SPDEF: variants seen among roughly 807,000 people sequenced by gnomAD.
The protein encoded by SPDEF is SAM pointed domain containing ETS transcription factor.
SPDEF carries 12 observed loss-of-function variants against 36.0 expected under a neutral mutation model. The observed-to-expected ratio is 0.33, with a 90% CI of 0.21 to 0.54. SPDEF has a LOEUF of 0.54. Among genes scored for constraint, SPDEF ranks in the 20% least tolerant of loss-of-function variants. The probability of loss-of-function intolerance (pLI) is 0.93; values close to 1 mark genes in which losing one functional copy is unlikely to be tolerated. For synonymous variants in SPDEF, 205 were observed against 193.0 expected (o/e 1.06, Z -0.51); for missense variants, 388 against 456.9 (o/e 0.85, Z 1.37).
intron 1 of SPDEF, among the ~76,000 whole-genome samples, chr6:34,554,565 A>T (rs1582009000): frequency 6.6e-6 from 1 of 151,964 alleles, no homozygotes; most frequent in South Asian, 2.1e-4. Flanking sequence ...TGGGTCCCCT[A>T]CGCAGTGAGA....
In SPDEF at chr6:34,538,275, C is replaced by G. The variant is rs762022604; in HGVS notation, c.1007G>C (p.Ter336SerextTer91). Reference protein sequence around the residue: ...RLVYQFVHPI* With the variant: ...RLVYQFVHPIS ...GGTTTCAGGCCCTGGGCCAGGCACTCAGATGGGGTGCACGAACTGGTAGAC... is the reference window on the plus strand; with the variant it reads ...GGTTTCAGGCCCTGGGCCAGGCACTGAGATGGGGTGCACGAACTGGTAGAC... The change falls in exon 6 of 6, where the codon TGA (stop) becomes TCA (serine). Residue 336 changes from the stop codon to serine, a stop_lost. Coordinates refer to ENST00000374037, the MANE Select transcript of SPDEF (RefSeq NM_012391.3). The surrounding 1 kb of genome is among the most constrained non-coding windows in gnomAD (Gnocchi z 5.9). 4 of 1,613,054 alleles carry G rather than the reference C, an allele frequency of 2.5e-6. No homozygotes were observed. The highest frequency in any genetic ancestry group is 3.4e-6 in the Non-Finnish European group (4 of 1,179,264).
chr6:34,544,444 G>C lies in SPDEF; in HGVS notation c.12C>G (p.Ala4=). 6.4e-7 allele frequency: 1 copy of C among 1,552,318 alleles called. No homozygotes were observed. The highest frequency in any genetic ancestry group is 8.7e-7 in the Non-Finnish European group (1 of 1,148,304). The change falls in exon 2 of 6, where the codon GCC becomes GCG. Residue 4 remains alanine, a synonymous_variant. Coordinates refer to ENST00000374037, the MANE Select transcript of SPDEF (RefSeq NM_012391.3). The surrounding 1 kb of genome is among the most constrained non-coding windows in gnomAD (Gnocchi z 4.4). MGS[A]SPGLSSVSPS... Reference sequence around the variant, plus strand: ...GGGATACGCTGCTCAGACCCGGGCTGGCGCTGCCCATGCCGCTGCTGTTTG... The same window carrying C: ...GGGATACGCTGCTCAGACCCGGGCTCGCGCTGCCCATGCCGCTGCTGTTTG...
chr6:34,548,014 T>A (rs1372532618), intron 1 of SPDEF, among the ~76,000 whole-genome samples: 2 of 152,164 alleles, frequency 1.3e-5, no homozygotes, highest in Non-Finnish European at 2.9e-5. Flanking sequence ...CCAGGGCTGG[T>A]GTGCCCAACC....
rs1383747524 is a variant in SPDEF at position 34,544,487 on chromosome 6, A to G, written c.-29-3T>C. On this transcript the variant is annotated splice_region_variant and splice_polypyrimidine_tract_variant and intron_variant, in intron 1 of 5. Transcript: ENST00000374037. The surrounding 1 kb of genome is among the most constrained non-coding windows in gnomAD (Gnocchi z 4.4). ...GCTGTTTGGGCTGGCGGCTGTGTCTACGGAAATGAAAGAGGACTCAGGTTT... is the reference window on the plus strand; with the variant it reads ...GCTGTTTGGGCTGGCGGCTGTGTCTGCGGAAATGAAAGAGGACTCAGGTTT... 1.3e-6 allele frequency: 2 copies of G among 1,502,826 alleles called. No individual in the cohort carries two copies. The highest frequency in any genetic ancestry group is 2.6e-5 in the South Asian group (2 of 76,296). The allele number at this position is 1,502,826 out of a possible 1,614,324, so 93.1% of individuals were successfully genotyped here.
chr6:34,547,476 C>T (rs1327998496), intron 1 of SPDEF, among the ~76,000 whole-genome samples: 2 of 152,156 alleles, frequency 1.3e-5, no homozygotes, highest in South Asian at 2.1e-4. Flanking sequence ...AGTGATCCTC[C>T]TGTTTCAACC....
rs1383712739 is a variant in SPDEF at position 34,538,119 on chromosome 6, C to T, written c.*155G>A. On this transcript the variant is annotated 3_prime_UTR_variant, in exon 6 of 6. Transcript: ENST00000374037. The surrounding 1 kb of genome is among the most constrained non-coding windows in gnomAD (Gnocchi z 5.9). ...GAAGGCCCCAGAGGACCCATATCCC[C>T]CTGGGGCAGTTGGTTGCCCCTCCCT... is the stretch of plus-strand genomic sequence containing the variant. 3.9e-6 allele frequency: 3 copies of T among 764,880 alleles called. No individual in the cohort carries two copies. The highest frequency in any genetic ancestry group is 2.7e-5 in the East Asian group (1 of 37,064). The allele number at this position is 764,880 out of a possible 1,614,324, so 47.4% of individuals were successfully genotyped here.
Position 34,544,185 on chromosome 6 carries a change from C to T in SPDEF, c.271G>A (p.Glu91Lys), listed in dbSNP as rs1358922575. 3.1e-6 allele frequency: 5 copies of T among 1,613,762 alleles called. No homozygotes were observed. The highest frequency in any genetic ancestry group is 1.3e-5 in the African/African-American group (1 of 74,938). Residue 91 changes from glutamate (E) to lysine (K), a missense_variant, in exon 2 of 6, where the codon GAG (glutamate) becomes AAG (lysine). Physicochemically the swap from Glu to Lys is moderately conservative, Grantham distance 56. Coordinates refer to ENST00000374037, the MANE Select transcript of SPDEF (RefSeq NM_012391.3). The surrounding 1 kb of genome is among the most constrained non-coding windows in gnomAD (Gnocchi z 4.4). Reference protein sequence around the residue: ...SSREEPPEEPEQCPVIDSQAP... With the variant: ...SSREEPPEEPKQCPVIDSQAP... Reference sequence around the variant, plus strand: ...TGGCTGTCAATGACCGGGCACTGCTCAGGCTCCTCAGGTGGCTCCTCCCGA... The same window carrying T: ...TGGCTGTCAATGACCGGGCACTGCTTAGGCTCCTCAGGTGGCTCCTCCCGA...
In SPDEF at chr6:34,538,335, C is replaced by T; in HGVS notation, c.947G>A (p.Gly316Asp). Residue 316 changes from glycine (G) to aspartate (D), a missense_variant, in exon 6 of 6, where the codon GGC (glycine) becomes GAC (aspartate). By Grantham distance (94) the Gly-to-Asp change is moderately conservative (BLOSUM62 -1). This residue lies in a region of SPDEF where 80 missense variants were observed against 130.8 expected (regional missense o/e 0.61). Transcript: ENST00000374037. The surrounding 1 kb of genome is among the most constrained non-coding windows in gnomAD (Gnocchi z 5.9). ...SRSIRQYYKK[G>D]IIRKPDISQR... ...GGAGATGTCTGGCTTCCGGATGATG[C>T]CCTTCTTGTAATACTGGCGGATGGA... The T allele has an allele frequency of 6.2e-7, 1 of 1,614,156 alleles. No individual in the cohort carries two copies. Among genetic ancestry groups the T allele is most frequent in the Non-Finnish European group, 8.5e-7 (1 of 1,179,980 alleles).
chr6:34,545,656 TC>T (rs1767936357), intron 1 of SPDEF, among the ~76,000 whole-genome samples: 1 of 152,172 alleles, frequency 6.6e-6, no homozygotes, highest in Admixed American at 6.5e-5. Context: ...GTGACTGTAA[TC>T]CTAGCTCTTT....
At chr6:34,548,433 C>A (rs565652518) in intron 1 of SPDEF, among the ~76,000 whole-genome samples, 1 of 152,294 alleles carries the variant, frequency 6.6e-6, no homozygotes, top group South Asian at 2.1e-4. Context: ...TCATCAGACA[C>A]CCCTGTGCTC....
chr6:34,539,399 G>T lies in SPDEF; in HGVS notation c.683-3C>A, dbSNP rs576412889. 5 of 1,613,490 alleles carry T rather than the reference G, an allele frequency of 3.1e-6. No individual in the cohort carries two copies. The Admixed American group carries it at 5.0e-5, about 16-fold the overall frequency. ...CCAGCTCTCCTCACTGGTCGAGGCT[G>T]GGTGGCCAGGGAGGGTGGCGGTGAG... On this transcript the variant is annotated splice_region_variant and splice_polypyrimidine_tract_variant and intron_variant, in intron 4 of 5. Coordinates refer to ENST00000374037, the MANE Select transcript of SPDEF (RefSeq NM_012391.3). This position sits in a 1 kb window ranked among gnomAD's most constrained non-coding sequence, Gnocchi z 5.2.
At chr6:34,541,718 G>A (rs573247453) in intron 2 of SPDEF, among the ~76,000 whole-genome samples, 5 of 152,330 alleles carry the variant, frequency 3.3e-5, no homozygotes, top group South Asian at 2.1e-4. Flanking sequence ...AGGGCTAGAC[G>A]CACAGGAGCT....
intron 3 of SPDEF, among the ~76,000 whole-genome samples, chr6:34,540,028 T>G (rs1767784403): frequency 6.6e-6 from 1 of 152,046 alleles, no homozygotes; most frequent in African/African-American, 2.4e-5. Context: ...AGGCCGGGCG[T>G]GGAGGCTCAT....
At position 34,538,569 on chromosome 6, in the gene SPDEF, C is replaced by A; in HGVS notation, c.830-117G>T. 2.9e-6 allele frequency: 3 copies of A among 1,048,408 alleles called. No individual in the cohort carries two copies. Among genetic ancestry groups the A allele is most frequent in the Non-Finnish European group, 4.1e-6 (3 of 726,802 alleles). 64.9% of individuals were successfully genotyped at this position (1,048,408 alleles called of 1,614,324 possible). On this transcript the variant is annotated intron_variant, in intron 5 of 5. Transcript: ENST00000374037. The surrounding 1 kb of genome is among the most constrained non-coding windows in gnomAD (Gnocchi z 5.9). The stretch of plus-strand genomic sequence containing the variant: ...CCAAGGGACCCCGTGCAGAGGCCTC[C>A]CCCTGCTCGGGTGGGGCGGGGTGTG...
At chr6:34,550,117 C>T (rs1483780854) in intron 1 of SPDEF, among the ~76,000 whole-genome samples, 1 of 152,204 alleles carries the variant, frequency 6.6e-6, no homozygotes, top group African/African-American at 2.4e-5. Context: ...CAGGCCCAGC[C>T]GCAGTAGCAT....
At position 34,544,439 on chromosome 6, in the gene SPDEF, G is replaced by A. The variant is rs754463563; in HGVS notation, c.17C>T (p.Pro6Leu). 2.2e-5 allele frequency: 35 copies of A among 1,557,372 alleles called. No individual in the cohort carries two copies. Among genetic ancestry groups the A allele is most frequent in the African/African-American group, 8.2e-5 (6 of 73,592 alleles). Reference sequence around the variant, plus strand: ...GCTGGGGGATACGCTGCTCAGACCCGGGCTGGCGCTGCCCATGCCGCTGCT... The same window carrying A: ...GCTGGGGGATACGCTGCTCAGACCCAGGCTGGCGCTGCCCATGCCGCTGCT... MGSASPGLSSVSPSHL... is the reference protein window; with the variant it reads MGSASLGLSSVSPSHL... Residue 6 changes from proline to leucine, a missense_variant, in exon 2 of 6, where the codon CCG becomes CTG. By Grantham distance (98) the Pro-to-Leu change is moderately conservative (BLOSUM62 -3). This residue lies in a region of SPDEF where 308 missense variants were observed against 326.1 expected (regional missense o/e 0.94). Transcript: ENST00000374037. This position sits in a 1 kb window ranked among gnomAD's most constrained non-coding sequence, Gnocchi z 4.4.
rs373970589 is a variant in SPDEF, at chr6:34,541,236, G to C, written c.437-55C>G. 20 of 1,497,912 alleles carry C rather than the reference G, an allele frequency of 1.3e-5. No homozygotes were observed. In the African/African-American group the frequency reaches 1.7e-4, roughly 12 times the overall value. The allele number at this position is 1,497,912 out of a possible 1,614,324, so 92.8% of individuals were successfully genotyped here. On this transcript the variant is annotated intron_variant, in intron 2 of 5. Coordinates refer to ENST00000374037, the MANE Select transcript of SPDEF (RefSeq NM_012391.3). ...GGTGGCCTGAGAGCACCACCCTGCT[G>C]TGATGGGGCACCCATGGGAACCTGT... is the stretch of plus-strand genomic sequence containing the variant.
rs1339982489 is a variant in SPDEF at position 34,539,178 on chromosome 6, C to T, written c.829+72G>A. The stretch of plus-strand genomic sequence containing the variant: ...CTCTGCCCGCCCCTGCCCCCATGCA[C>T]CGTGCCTGGCAGAAGCCCCCACAAC... On this transcript the variant is annotated intron_variant, in intron 5 of 5. Coordinates refer to ENST00000374037, the MANE Select transcript of SPDEF (RefSeq NM_012391.3). This position sits in a 1 kb window ranked among gnomAD's most constrained non-coding sequence, Gnocchi z 5.2. The T allele has an allele frequency of 1.7e-5, 27 of 1,568,246 alleles. No individual in the cohort carries two copies. The highest frequency in any genetic ancestry group is 2.3e-5 in the Non-Finnish European group (26 of 1,151,186).
intron 2 of SPDEF, among the ~76,000 whole-genome samples, chr6:34,542,597 A>G (rs1282150272): frequency 1.3e-5 from 2 of 152,242 alleles, no homozygotes; most frequent in African/African-American, 4.8e-5. Flanking sequence ...CATATTAGGA[A>G]CTGCTTTTCG....
Sources: allele counts gnomAD v4.1 joint callset (sites outside exome capture counted in the v4.1 genomes callset), GRCh38; gene constraint gnomAD v4.1.1; regional missense constraint gnomAD v4.1.1; non-coding constraint Gnocchi (gnomAD v3.1); transcripts MANE v1.5; gene names NCBI Gene and HGNC (gene_info 2026-07-23, HGNC 2026-07-21).